The following ARL5B variants were observed in gnomAD, a reference collection of about 807,000 sequenced individuals.
ARL5B encodes ADP-ribosylation factor-like protein 5B.
A neutral mutation model predicts 26.9 loss-of-function variants in ARL5B; 10 were observed. The ratio of observed to expected loss-of-function variants is 0.37; its 90% CI spans 0.23 to 0.63. The LOEUF (loss-of-function observed/expected upper bound fraction) is 0.63, where lower values mean the gene tolerates loss of function less well. Among genes scored for constraint, ARL5B ranks in the 30% least tolerant of loss-of-function variants. ARL5B has a pLI of 0.62. For synonymous variants in ARL5B, 87 were observed against 70.4 expected, an observed-to-expected ratio of 1.24 and a Z score of -1.18; for missense variants, 167 against 213.9, an observed-to-expected ratio of 0.78 and a Z score of 1.37.
Position 18,678,462 on chromosome 10 carries a change from A to G in ARL5B, c.*3246A>G, listed in dbSNP as rs2059919264. The G allele has an allele frequency of 6.6e-6, 1 of 151,948 alleles. No homozygotes were observed. The highest frequency in any genetic ancestry group is 1.5e-5 in the Non-Finnish European group (1 of 67,830). The allele number at this position is 151,948 out of a possible 1,614,324, so 9.4% of individuals were successfully genotyped here. On this transcript the variant is annotated 3_prime_UTR_variant, in exon 6 of 6. Coordinates refer to ENST00000377275, the MANE Select transcript of ARL5B (RefSeq NM_178815.5). ...TTCTCTGAAAAGTTGTGGGGGTCAC[A>G]AAGAAAATTTTAAAGAATATAGAAG...
At chr10:18,659,746 G>A (rs910937949) in intron 1 of ARL5B, 63 bp downstream of exon 1, 43 of 1,588,680 alleles carry the variant, frequency 2.7e-5, no homozygotes, top group Middle Eastern at 1.7e-4. Context: ...CGCCGATGGG[G>A]ACACCGGAGA....
At chr10:18,664,880 G>T (rs755637107) in intron 1 of ARL5B, among the ~76,000 whole-genome samples, 1 of 152,302 alleles carries the variant, frequency 6.6e-6, no homozygotes, top group Non-Finnish European at 1.5e-5. Context: ...GAGCAGGATT[G>T]TTTGCAAATG....
In ARL5B at chr10:18,680,741, A is replaced by G. The variant is rs1053010221; in HGVS notation, c.*5525A>G. ...TCATGATTTTTTTCAATTACAGAAT[A>G]GTTACAAATTTTACCATGTTCATCT... On this transcript the variant is annotated 3_prime_UTR_variant, in exon 6 of 6. Coordinates refer to ENST00000377275, the MANE Select transcript of ARL5B (RefSeq NM_178815.5). The G allele has an allele frequency of 1.3e-5, 2 of 152,182 alleles. No individual in the cohort carries two copies. Among genetic ancestry groups the G allele is most frequent in the African/African-American group, 4.8e-5 (2 of 41,464 alleles). 9.4% of individuals were successfully genotyped at this position (152,182 alleles called of 1,614,324 possible).
chr10:18,670,805 G>A (rs1176290165), intron 3 of ARL5B, among the ~76,000 whole-genome samples: 6 of 152,168 alleles, frequency 3.9e-5, no homozygotes, highest in African/African-American at 1.4e-4. Context: ...AGTTCTTGAA[G>A]TGACTGAAAC....
At position 18,675,331 on chromosome 10, in the gene ARL5B, G is replaced by A. The variant is rs1260733509; in HGVS notation, c.*115G>A. The stretch of plus-strand genomic sequence containing the variant: ...AATTTATAACAACACAAACCTCTGA[G>A]AGCAACACTTGAATCAAGTGCAGCT... On this transcript the variant is annotated 3_prime_UTR_variant, in exon 6 of 6. Transcript: ENST00000377275. 3.0e-6 allele frequency: 3 copies of A among 992,328 alleles called. No individual in the cohort carries two copies. Among genetic ancestry groups the A allele is most frequent in the Non-Finnish European group, 4.6e-6 (3 of 647,310 alleles). 61.5% of individuals were successfully genotyped at this position (992,328 alleles called of 1,614,324 possible).
At chr10:18,668,778 T>C in intron 3 of ARL5B, 101 bp downstream of exon 3, 1 of 1,273,184 alleles carries the variant, frequency 7.9e-7, no homozygotes, top group South Asian at 1.5e-5. Context: ...GCCTTTTTTT[T>C]TTTTTTTTTT....
rs1032755619 is a variant in ARL5B, at chr10:18,679,090, ACAAC to A, written c.*3878_*3881del. 3.3e-5 allele frequency: 5 copies of A among 152,036 alleles called. No homozygotes were observed. In the South Asian group the frequency reaches 1.0e-3, roughly 31 times the overall value. The allele number at this position is 152,036 out of a possible 1,614,324, so 9.4% of individuals were successfully genotyped here. On this transcript the variant is annotated 3_prime_UTR_variant, in exon 6 of 6. Transcript: ENST00000377275. ...CTGTTATTTTATTTAGAATACGAAT[ACAAC>A]CAAGTAGGGAAAAACGTATCAGTAA...
chr10:18,665,282 G>A (rs115321146), intron 1 of ARL5B, among the ~76,000 whole-genome samples: 4,137 of 152,228 alleles, frequency 0.027, 186 homozygotes, highest in African/African-American at 0.093. Context: ...CGAGGCTGCA[G>A]TGATCATGCC....
At chr10:18,660,135 ACT>A (rs1186964110) in intron 1 of ARL5B, among the ~76,000 whole-genome samples, 2 of 150,820 alleles carry the variant, frequency 1.3e-5, no homozygotes, top group African/African-American at 4.9e-5. Context: ...GTGCACTTTC[ACT>A]CTGATTTCGC....
chr10:18,666,651 T>C lies in ARL5B; in HGVS notation c.107+16T>C, dbSNP rs747075252. 3.2e-6 allele frequency: 5 copies of C among 1,586,190 alleles called. No homozygotes were observed. The highest frequency in any genetic ancestry group is 4.3e-6 in the Non-Finnish European group (5 of 1,160,594). ...TTTACCAATTGTAAGTATGGGTGTT[T>C]ATTAAACAGTTTTCACTAGTTATTG... On this transcript the variant is annotated intron_variant, in intron 2 of 5. Transcript: ENST00000377275.
At position 18,659,571 on chromosome 10, in the gene ARL5B, G is replaced by A; in HGVS notation, c.-67G>A. On this transcript the variant is annotated 5_prime_UTR_variant, in exon 1 of 6. Transcript: ENST00000377275. ...TCCTCGGCTCCGCGCAGCCCGCGCCGCGGTGGGGGACCCGGCGCAGCGGCA... is the reference window on the plus strand; with the variant it reads ...TCCTCGGCTCCGCGCAGCCCGCGCCACGGTGGGGGACCCGGCGCAGCGGCA... 5.9e-6 allele frequency: 9 copies of A among 1,521,398 alleles called. No individual in the cohort carries two copies. The highest frequency in any genetic ancestry group is 7.9e-6 in the Non-Finnish European group (9 of 1,137,584). The allele number at this position is 1,521,398 out of a possible 1,614,324, so 94.2% of individuals were successfully genotyped here.
intron 3 of ARL5B, among the ~76,000 whole-genome samples, chr10:18,668,963 G>A (rs1002773868): frequency 2.3e-4 from 35 of 151,952 alleles, no homozygotes; most frequent in Non-Finnish European, 2.9e-4. Context: ...AGAGACCGGG[G>A]TTTCACCATA....
At chr10:18,670,678 T>C (rs1466579196) in intron 3 of ARL5B, among the ~76,000 whole-genome samples, 1 of 152,156 alleles carries the variant, frequency 6.6e-6, no homozygotes. Context: ...ACATCAGAGC[T>C]GTTAGTAGTT....
At chr10:18,666,690 T>C in intron 2 of ARL5B, 55 bp downstream of exon 2, 1 of 1,402,246 alleles carries the variant, frequency 7.1e-7, no homozygotes, top group Non-Finnish European at 9.8e-7. Flanking sequence ...CTAATGTGTT[T>C]ACAATTAATA....
At chr10:18,671,148 TC>T (rs2059885300) in intron 3 of ARL5B, among the ~76,000 whole-genome samples, 1 of 152,172 alleles carries the variant, frequency 6.6e-6, no homozygotes, top group African/African-American at 2.4e-5. Flanking sequence ...CAGTTTATAT[TC>T]AGATTAGTTG....
chr10:18,669,206 T>C (rs568339230), intron 3 of ARL5B, among the ~76,000 whole-genome samples: 11 of 152,274 alleles, frequency 7.2e-5, no homozygotes, highest in African/African-American at 2.4e-4. Flanking sequence ...TGTTTGGAGC[T>C]ATTATTACTT....
chr10:18,662,017 T>C (rs1246327355), intron 1 of ARL5B, among the ~76,000 whole-genome samples: 2 of 152,242 alleles, frequency 1.3e-5, no homozygotes, highest in Non-Finnish European at 2.9e-5. Flanking sequence ...TGGGACTCAC[T>C]GAAGGGTTTA....
In ARL5B at chr10:18,675,843, A is replaced by G. The variant is rs2059908296; in HGVS notation, c.*627A>G. The G allele has an allele frequency of 1.3e-5, 2 of 152,106 alleles. No individual in the cohort carries two copies. Among genetic ancestry groups the G allele is most frequent in the African/African-American group, 4.8e-5 (2 of 41,448 alleles). 9.4% of individuals were successfully genotyped at this position (152,106 alleles called of 1,614,324 possible). Reference sequence around the variant, plus strand: ...GTTGTTATTTGCATGGAAATTAAGTAGGCTGTTTATTTATCTAAAGGAATC... The same window carrying G: ...GTTGTTATTTGCATGGAAATTAAGTGGGCTGTTTATTTATCTAAAGGAATC... On this transcript the variant is annotated 3_prime_UTR_variant, in exon 6 of 6. Coordinates refer to ENST00000377275, the MANE Select transcript of ARL5B (RefSeq NM_178815.5).
intron 2 of ARL5B, 53 bp downstream of exon 2, chr10:18,666,688 T>G: frequency 7.1e-7 from 1 of 1,412,542 alleles, no homozygotes; most frequent in Non-Finnish European, 9.7e-7. Context: ...AACTAATGTG[T>G]TTACAATTAA....
Sources: gnomAD v4.1 joint callset for allele counts (sites outside exome capture counted in the v4.1 genomes callset) on GRCh38, gnomAD v4.1.1 for gene constraint, MANE v1.5 for transcripts, NCBI Gene and HGNC (gene_info 2026-07-23, HGNC 2026-07-21) for gene names.